The following TSHZ1 variants were observed in gnomAD, a reference collection of about 807,000 sequenced individuals.
The protein encoded by TSHZ1 is teashirt homolog 1.
In TSHZ1, 12 loss-of-function variants were observed where a neutral mutation model predicts 67.1. The observed-to-expected ratio is 0.18, with a 90% confidence interval of 0.11 to 0.29. The LOEUF is 0.29. TSHZ1 is among the 10% of genes least tolerant of loss of function. The probability of loss-of-function intolerance (pLI) is 1.00; values close to 1 mark genes in which losing one functional copy is unlikely to be tolerated. For missense variants in TSHZ1, 1,305 were observed against 1,413.9 expected, an observed-to-expected ratio of 0.92 and a Z score of 1.23; for synonymous variants, 632 against 622.4, an observed-to-expected ratio of 1.02 and a Z score of -0.23.
intron 1 of TSHZ1, among the ~76,000 whole-genome samples, chr18:75,278,541 G>C (rs1003620328): frequency 6.6e-6 from 1 of 152,162 alleles, no homozygotes; most frequent in African/African-American, 2.4e-5. Flanking sequence ...CTCTCTGCCT[G>C]CTCCCCAGTT....
rs111929894 is a variant in TSHZ1 at position 75,285,624 on chromosome 18, G to A, written c.217G>A (p.Gly73Ser). The A allele has an allele frequency of 1.3e-5, 21 of 1,613,172 alleles. No individual in the cohort carries two copies. In the East Asian group the frequency reaches 1.3e-4, roughly 10 times the overall value. Reference protein sequence around the residue: ...PVSSATNQDAGYGSPFSESSD... With the variant: ...PVSSATNQDASYGSPFSESSD... ...CAGCTCTGCGACTAACCAGGACGCC[G>A]GCTACGGGTCGCCCTTCAGTGAGAG... The change falls in exon 2 of 2, where the codon GGC (glycine) becomes AGC (serine). Residue 73 changes from glycine (G) to serine (S), a missense_variant. Transcript: ENST00000580243.
intron 1 of TSHZ1, among the ~76,000 whole-genome samples, chr18:75,233,678 C>T (rs189359348): frequency 6.6e-6 from 1 of 152,334 alleles, no homozygotes; most frequent in Non-Finnish European, 1.5e-5. Context: ...GAAAGAGAAA[C>T]TACCTGTTTG....
intron 1 of TSHZ1, among the ~76,000 whole-genome samples, chr18:75,231,595 T>C (rs977119514): frequency 7.9e-5 from 12 of 152,164 alleles, no homozygotes; most frequent in African/African-American, 2.2e-4. Context: ...AGTGCAGTGG[T>C]ATGATCTTGG....
chr18:75,239,941 A>G lies in TSHZ1; in HGVS notation c.40+28025A>G, dbSNP rs372105563. Among the ~76,000 whole-genome samples the G allele has an allele frequency of 2.0e-4, 31 of 152,198 alleles. No individual in the cohort carries two copies. The East Asian group carries it at 4.2e-3, about 21-fold the overall frequency. On this transcript the variant is annotated intron_variant, in intron 1 of 1. Coordinates refer to ENST00000580243, the MANE Select transcript of TSHZ1 (RefSeq NM_001308210.2). ...GCTTCCACCATTTCGAGAAAACTCT[A>G]TTTCTTGATGTTTCTAACATGTGTG... is the stretch of plus-strand genomic sequence containing the variant.
chr18:75,230,540 A>G (rs2022984397), intron 1 of TSHZ1, among the ~76,000 whole-genome samples: 1 of 152,132 alleles, frequency 6.6e-6, no homozygotes, highest in Non-Finnish European at 1.5e-5. Flanking sequence ...GGAGAGTTTG[A>G]ATGAGGTGAT....
intron 1 of TSHZ1, among the ~76,000 whole-genome samples, chr18:75,224,442 G>A (rs962823995): frequency 2.6e-5 from 4 of 152,132 alleles, no homozygotes; most frequent in African/African-American, 7.2e-5. Flanking sequence ...TAAAGTAAAA[G>A]TATAAACCTT....
Position 75,287,196 on chromosome 18 carries a change from C to A in TSHZ1, c.1789C>A (p.Gln597Lys), listed in dbSNP as rs2023784078. Residue 597 changes from glutamine to lysine, a missense_variant, in exon 2 of 2, where the codon CAG becomes AAG. Coordinates refer to ENST00000580243, the MANE Select transcript of TSHZ1 (RefSeq NM_001308210.2). The surrounding 1 kb of genome is among the most constrained non-coding windows in gnomAD (Gnocchi z 5.0). ...GTVKPLPAAV[Q>K]SVQVQPSYAG... ...CGTGAAGCCACTGCCGGCGGCCGTG[C>A]AGAGCGTGCAGGTGCAGCCGTCCTA... 1.2e-6 allele frequency: 2 copies of A among 1,613,450 alleles called. No homozygotes were observed. The highest frequency in any genetic ancestry group is 2.7e-5 in the African/African-American group (2 of 74,924).
intron 1 of TSHZ1, among the ~76,000 whole-genome samples, chr18:75,279,999 T>C (rs1431401465): frequency 6.6e-6 from 1 of 152,262 alleles, no homozygotes; most frequent in Non-Finnish European, 1.5e-5. Flanking sequence ...GATAAATAAC[T>C]TGTGTATTTA....
At chr18:75,270,075 GT>G (rs1375970544) in intron 1 of TSHZ1, among the ~76,000 whole-genome samples, 14 of 152,348 alleles carry the variant, frequency 9.2e-5, no homozygotes, top group African/African-American at 3.4e-4. Flanking sequence ...ATTGGAATCA[GT>G]TTTAAACTCA....
intron 1 of TSHZ1, among the ~76,000 whole-genome samples, chr18:75,271,771 G>A (rs1245018118): frequency 1.6e-5 from 2 of 127,460 alleles, no homozygotes; most frequent in Non-Finnish European, 3.1e-5. Context: ...TAACGCACCT[G>A]ATCAAAACAT....
chr18:75,234,436 TATA>T (rs2023040673), intron 1 of TSHZ1, among the ~76,000 whole-genome samples: 1 of 152,212 alleles, frequency 6.6e-6, no homozygotes, highest in Non-Finnish European at 1.5e-5. Flanking sequence ...TTTTAAAAGT[TATA>T]ATATTTTGCA....
At chr18:75,253,736 G>A (rs773786856) in intron 1 of TSHZ1, among the ~76,000 whole-genome samples, 32 of 152,368 alleles carry the variant, frequency 2.1e-4, no homozygotes, top group Admixed American at 6.5e-4. Flanking sequence ...CCACTGGATA[G>A]ATGGCTTAGG....
chr18:75,285,366 T>A, intron 1 of TSHZ1, 82 bp from the exon 2 acceptor site: 2 of 1,402,150 alleles, frequency 1.4e-6, no homozygotes, highest in Non-Finnish European at 1.9e-6. Flanking sequence ...AATATCTTTT[T>A]AAAGATCATC....
intron 1 of TSHZ1, among the ~76,000 whole-genome samples, chr18:75,277,606 C>T (rs79491843): frequency 0.053 from 8,073 of 152,052 alleles, 287 homozygotes; most frequent in Non-Finnish European, 0.078. Flanking sequence ...CTCACTGTGT[C>T]GTCATGTGGT....
At chr18:75,267,145 G>A (rs2023498819) in intron 1 of TSHZ1, among the ~76,000 whole-genome samples, 1 of 152,174 alleles carries the variant, frequency 6.6e-6, no homozygotes, top group African/African-American at 2.4e-5. Flanking sequence ...TATACACCAT[G>A]ATTACAGAAA....
intron 1 of TSHZ1, among the ~76,000 whole-genome samples, chr18:75,268,860 A>T (rs2023523698): frequency 6.6e-6 from 1 of 152,220 alleles, no homozygotes; most frequent in Non-Finnish European, 1.5e-5. Context: ...GGAAAGATGG[A>T]TCTTCTGAGA....
At chr18:75,273,681 C>T (rs1050174097) in intron 1 of TSHZ1, among the ~76,000 whole-genome samples, 6 of 152,236 alleles carry the variant, frequency 3.9e-5, no homozygotes, top group East Asian at 3.9e-4. Context: ...TAACAGGGAC[C>T]GTATACATTG....
chr18:75,248,787 C>T (rs2023255927), intron 1 of TSHZ1, among the ~76,000 whole-genome samples: 2 of 152,204 alleles, frequency 1.3e-5, no homozygotes. Flanking sequence ...CCTGTGCGTC[C>T]AGCTTTGCGA....
At chr18:75,253,795 C>A (rs1228496293) in intron 1 of TSHZ1, among the ~76,000 whole-genome samples, 2 of 152,240 alleles carry the variant, frequency 1.3e-5, no homozygotes, top group East Asian at 3.8e-4. Context: ...ATAATGAAAT[C>A]TTCCTAATTT....
Sources: gnomAD v4.1 joint callset for allele counts (sites outside exome capture counted in the v4.1 genomes callset) on GRCh38, gnomAD v4.1.1 for gene constraint, Gnocchi (gnomAD v3.1) non-coding constraint, MANE v1.5 for transcripts, NCBI Gene and HGNC (gene_info 2026-07-23, HGNC 2026-07-21) for gene names.